Variants in ST7 observed in about 807,000 individuals in gnomAD.
ST7 encodes suppressor of tumorigenicity 7 protein.
In ST7, 28 loss-of-function variants were observed where a neutral mutation model predicts 78.7. The observed-to-expected ratio is 0.36, with a 90% CI of 0.26 to 0.49. ST7 has a LOEUF of 0.49. Ranked by LOEUF, ST7 falls within the 20% of genes least tolerant of loss-of-function variation. ST7 has a pLI of 0.99. For synonymous variants in ST7, 247 were observed against 249.6 expected (o/e 0.99, Z 0.10); for missense variants, 418 against 696.0 (o/e 0.60, Z 4.49).
At chr7:116,974,631 G>C (rs2116280166) in intron 1 of ST7, among the ~76,000 whole-genome samples, 1 of 152,150 alleles carries the variant, frequency 6.6e-6, no homozygotes, top group Non-Finnish European at 1.5e-5. Context: ...ATTGAGGGAA[G>C]AGTTTACTTT....
chr7:117,196,217 G>A (rs2117440849), intron 12 of ST7, among the ~76,000 whole-genome samples: 1 of 152,270 alleles, frequency 6.6e-6, no homozygotes, highest in South Asian at 2.1e-4. Flanking sequence ...GAATAATGCT[G>A]CAATGAAAAT....
intron 1 of ST7, among the ~76,000 whole-genome samples, chr7:117,001,647 A>G (rs992764842): frequency 6.6e-6 from 1 of 152,176 alleles, no homozygotes; most frequent in Non-Finnish European, 1.5e-5. Flanking sequence ...TGTAATTGTC[A>G]TTGTAACCAG....
At chr7:117,116,409 G>A (rs964556319) in intron 2 of ST7, among the ~76,000 whole-genome samples, 18 of 152,252 alleles carry the variant, frequency 1.2e-4, no homozygotes, top group African/African-American at 3.9e-4. Context: ...CACCAAATAT[G>A]TGCGCATTAA....
intron 1 of ST7, among the ~76,000 whole-genome samples, chr7:117,083,458 A>G (rs1245314393): frequency 6.6e-6 from 1 of 152,030 alleles, no homozygotes; most frequent in African/African-American, 2.4e-5. Flanking sequence ...GGGTTTCACC[A>G]TGTTGGCCAG....
chr7:117,068,338 A>G (rs192147691), intron 1 of ST7, among the ~76,000 whole-genome samples: 1 of 152,082 alleles, frequency 6.6e-6, no homozygotes, highest in Non-Finnish European at 1.5e-5. Flanking sequence ...TATTACTATT[A>G]TATTATTTCA....
At chr7:117,060,187 G>A (rs955609936) in intron 1 of ST7, among the ~76,000 whole-genome samples, 1 of 152,064 alleles carries the variant, frequency 6.6e-6, no homozygotes, top group Non-Finnish European at 1.5e-5. Context: ...GGTACCTGAG[G>A]CACACAGACC....
chr7:117,197,898 C>T lies in ST7; in HGVS notation c.1254+6962C>T, dbSNP rs186796479. On this transcript the variant is annotated intron_variant, in intron 12 of 15. Coordinates refer to ENST00000323984, the MANE Select transcript of ST7 (RefSeq NM_001369598.1). Reference sequence around the variant, plus strand: ...TAGGAGTTTGAGACCAGCCTGGCAACGTAGTGAGACCTAATCTCCACAAAC... The same window carrying T: ...TAGGAGTTTGAGACCAGCCTGGCAATGTAGTGAGACCTAATCTCCACAAAC... Among the ~76,000 whole-genome samples, 138 of 152,134 alleles carry T rather than the reference C, an allele frequency of 9.1e-4. No homozygotes were observed. The Middle Eastern group carries it at 0.014, about 15-fold the overall frequency.
At chr7:117,086,114 C>CT (rs111464921) in intron 1 of ST7, among the ~76,000 whole-genome samples, 38 of 151,092 alleles carry the variant, frequency 2.5e-4, no homozygotes, top group African/African-American at 6.8e-4. Flanking sequence ...TGGTTTCTTT[C>CT]TTTTTTTTGT....
At chr7:117,078,316 A>G (rs1799505523) in intron 1 of ST7, among the ~76,000 whole-genome samples, 1 of 152,224 alleles carries the variant, frequency 6.6e-6, no homozygotes, top group South Asian at 2.1e-4. Context: ...TTAACAGTAG[A>G]ATAGAAAAGC....
intron 1 of ST7, among the ~76,000 whole-genome samples, chr7:116,966,489 G>T (rs1323407851): frequency 6.6e-6 from 1 of 152,108 alleles, no homozygotes; most frequent in East Asian, 1.9e-4. Flanking sequence ...GACCTCAGGT[G>T]ATCTGCCTGC....
intron 12 of ST7, among the ~76,000 whole-genome samples, chr7:117,207,862 A>C (rs1791922095): frequency 6.6e-6 from 1 of 152,090 alleles, no homozygotes; most frequent in African/African-American, 2.4e-5. Flanking sequence ...ATTGTTATGG[A>C]TAACCAAATG....
chr7:117,119,802 A>G, intron 3 of ST7, 82 bp downstream of exon 3: 1 of 1,488,596 alleles, frequency 6.7e-7, no homozygotes, highest in Non-Finnish European at 9.1e-7. Context: ...GAGATTAAGA[A>G]TGTTGTTATT....
rs147024611 is a variant in ST7 at position 116,973,665 on chromosome 7, C to G, written c.151+19974C>G. ...CCATTGTCCTGAAGTTGGTATTGTT[C>G]CCATGTATTTAATGTATTCATCAAT... On this transcript the variant is annotated intron_variant, in intron 1 of 15. Coordinates refer to ENST00000323984, the MANE Select transcript of ST7 (RefSeq NM_001369598.1). 1.2e-3 allele frequency among the ~76,000 whole-genome samples: 176 copies of G among 152,226 alleles called. 1 individual carries two copies. Among genetic ancestry groups the G allele is most frequent in the Admixed American group, 2.0e-3 (30 of 15,288 alleles).
intron 1 of ST7, among the ~76,000 whole-genome samples, chr7:116,986,500 G>A (rs530244302): frequency 1.3e-5 from 2 of 152,206 alleles, no homozygotes; most frequent in Admixed American, 6.5e-5. Flanking sequence ...ATCATTTTCT[G>A]AGAATGCCAC....
chr7:117,073,943 A>G (rs1371296803), intron 1 of ST7: 2 of 152,246 alleles, frequency 1.3e-5, no homozygotes, highest in Admixed American at 6.5e-5. Flanking sequence ...AAAAAATAAT[A>G]GTTAAAATTG....
chr7:117,099,856 A>G lies in ST7; in HGVS notation c.234+12A>G. 1 of 1,604,286 alleles carries G rather than the reference A, an allele frequency of 6.2e-7. No individual in the cohort carries two copies. Among genetic ancestry groups the G allele is most frequent in the Non-Finnish European group, 8.5e-7 (1 of 1,172,796 alleles). On this transcript the variant is annotated intron_variant, in intron 2 of 15. Transcript: ENST00000323984. Reference sequence around the variant, plus strand: ...CAGGGCTTATTTTGGTAAGTGGTGGAGTCCTTCTCATTTAAAAACATGCTG... The same window carrying G: ...CAGGGCTTATTTTGGTAAGTGGTGGGGTCCTTCTCATTTAAAAACATGCTG...
rs1029295161 is a variant in ST7 at position 117,008,613 on chromosome 7, T to A, written c.151+54922T>A. Reference sequence around the variant, plus strand: ...TGAGCATTTATCACCAGTTCTAATGTGATAGGGAATGAGGTATTGTTCATA... The same window carrying A: ...TGAGCATTTATCACCAGTTCTAATGAGATAGGGAATGAGGTATTGTTCATA... On this transcript the variant is annotated intron_variant, in intron 1 of 15. Transcript: ENST00000323984. Among the ~76,000 whole-genome samples the A allele has an allele frequency of 7.9e-5, 12 of 152,308 alleles. No individual in the cohort carries two copies. The South Asian group carries it at 2.1e-3, about 26-fold the overall frequency.
At chr7:117,205,558 G>T (rs1791670581) in intron 12 of ST7, among the ~76,000 whole-genome samples, 1 of 152,124 alleles carries the variant, frequency 6.6e-6, no homozygotes, top group Non-Finnish European at 1.5e-5. Flanking sequence ...AGAATTTTAA[G>T]ATCTTAGCAA....
intron 1 of ST7, among the ~76,000 whole-genome samples, chr7:117,043,782 C>T (rs1797351225): frequency 6.6e-6 from 1 of 152,128 alleles, no homozygotes; most frequent in Non-Finnish European, 1.5e-5. Context: ...TTTTTAAGTC[C>T]AAACTTGCAA....
Sources: allele counts gnomAD v4.1 joint callset (sites outside exome capture counted in the v4.1 genomes callset), GRCh38; gene constraint gnomAD v4.1.1; transcripts MANE v1.5; gene names NCBI Gene and HGNC (gene_info 2026-07-23, HGNC 2026-07-21).